The following DPYD variants were observed in gnomAD, a reference collection of about 807,000 sequenced individuals.
The protein encoded by DPYD is dihydropyrimidine dehydrogenase, also known as dihydropyrimidine dehydrogenase [NADP(+)].
A neutral mutation model predicts 116.2 loss-of-function variants in DPYD; 109 were observed. The ratio of observed to expected loss-of-function variants is 0.94; its 90% confidence interval spans 0.80 to 1.10. DPYD has a LOEUF of 1.10. Among genes scored for constraint, DPYD ranks in the 50% least tolerant of loss-of-function variants. The pLI, the probability that DPYD is intolerant of heterozygous loss-of-function variation, is 0.00. For synonymous variants in DPYD, 440 were observed against 432.0 expected (o/e 1.02, Z -0.23); for missense variants, 1,302 against 1,254.5 (o/e 1.04, Z -0.57).
intron 16 of DPYD, among the ~76,000 whole-genome samples, chr1:97,349,571 C>T (rs1029477085): frequency 2.0e-5 from 3 of 152,036 alleles, no homozygotes; most frequent in African/African-American, 4.8e-5. Flanking sequence ...TGTTCAATTC[C>T]CACCTATGAG....
intron 3 of DPYD, among the ~76,000 whole-genome samples, chr1:97,791,427 C>T (rs1667313622): frequency 6.6e-6 from 1 of 152,154 alleles, no homozygotes; most frequent in African/African-American, 2.4e-5. Context: ...TGTGCTTTTG[C>T]AACTGTAGCA....
intron 3 of DPYD, among the ~76,000 whole-genome samples, chr1:97,826,591 CATA>C (rs1669256552): frequency 2.6e-5 from 4 of 152,078 alleles, no homozygotes; most frequent in Admixed American, 1.3e-4. Context: ...TTAAACTTAT[CATA>C]ATAAGCATTT....
At chr1:97,614,220 T>C (rs1656128593) in intron 8 of DPYD, among the ~76,000 whole-genome samples, 1 of 152,090 alleles carries the variant, frequency 6.6e-6, no homozygotes, top group Non-Finnish European at 1.5e-5. Context: ...TAACCCGAGA[T>C]TTTATTTACT....
At chr1:97,887,080 T>C (rs898448334) in intron 1 of DPYD, among the ~76,000 whole-genome samples, 1 of 151,940 alleles carries the variant, frequency 6.6e-6, no homozygotes. Flanking sequence ...AAGAGACACC[T>C]GATAAAACCA....
intron 10 of DPYD, 62 bp downstream of exon 10, chr1:97,593,154 AAC>A (rs1654638163): frequency 1.3e-6 from 2 of 1,559,202 alleles, no homozygotes; most frequent in Non-Finnish European, 1.8e-6. Context: ...TTTAAACATT[AAC>A]AGTTTCATCT....
chr1:97,768,115 G>C (rs761400493), intron 3 of DPYD, among the ~76,000 whole-genome samples: 20 of 152,126 alleles, frequency 1.3e-4, no homozygotes, highest in Non-Finnish European at 2.5e-4. Flanking sequence ...TTGGGAATCT[G>C]AGTAGTATTC....
chr1:97,653,745 T>C (rs1658728251), intron 8 of DPYD, among the ~76,000 whole-genome samples: 1 of 152,176 alleles, frequency 6.6e-6, no homozygotes, highest in Non-Finnish European at 1.5e-5. Context: ...CTCACCTTTT[T>C]ATAGGGAAGG....
chr1:97,156,547 C>A (rs982589958), intron 20 of DPYD, among the ~76,000 whole-genome samples: 5 of 152,116 alleles, frequency 3.3e-5, no homozygotes, highest in Non-Finnish European at 7.3e-5. Context: ...CGGAGAAATG[C>A]AAATCAAAAC....
At chr1:97,275,484 G>A (rs574212719) in intron 18 of DPYD, among the ~76,000 whole-genome samples, 1 of 152,242 alleles carries the variant, frequency 6.6e-6, no homozygotes, top group African/African-American at 2.4e-5. Flanking sequence ...ATTTGCCTTT[G>A]GGCAGATCTG....
chr1:97,814,937 G>GAC (rs1668513089), intron 3 of DPYD, among the ~76,000 whole-genome samples: 1 of 12,026 alleles, frequency 8.3e-5, no homozygotes, highest in Non-Finnish European at 2.2e-4. Context: ...AGAGAGGAAA[G>GAC]AAAGAAAGAA....
At chr1:97,778,639 CACTT>C (rs1666560965) in intron 3 of DPYD, among the ~76,000 whole-genome samples, 1 of 152,130 alleles carries the variant, frequency 6.6e-6, no homozygotes, top group Non-Finnish European at 1.5e-5. Context: ...CATGTAAACT[CACTT>C]ACTACTTAAA....
chr1:97,817,027 G>C (rs1337950051), intron 3 of DPYD, among the ~76,000 whole-genome samples: 1 of 151,798 alleles, frequency 6.6e-6, no homozygotes, highest in Non-Finnish European at 1.5e-5. Context: ...CTCAACCAGG[G>C]GTCTGCAAAC....
intron 13 of DPYD, among the ~76,000 whole-genome samples, chr1:97,513,746 A>G (rs941724951): frequency 2.0e-5 from 3 of 151,844 alleles, no homozygotes; most frequent in African/African-American, 4.8e-5. Flanking sequence ...CCAACATTTC[A>G]TCAATAGGAA....
At chr1:97,875,921 A>C (rs1166223532) in intron 2 of DPYD, among the ~76,000 whole-genome samples, 1 of 152,022 alleles carries the variant, frequency 6.6e-6, no homozygotes, top group African/African-American at 2.4e-5. Context: ...ATTGTTTTTA[A>C]AATGTATGTA....
chr1:97,714,175 CTT>C (rs1220981002), intron 5 of DPYD, among the ~76,000 whole-genome samples: 1 of 152,016 alleles, frequency 6.6e-6, no homozygotes, highest in African/African-American at 2.4e-5. Context: ...CAGATAAACA[CTT>C]AACGCTTCAA....
At chr1:97,673,503 T>C (rs1010524237) in intron 8 of DPYD, among the ~76,000 whole-genome samples, 2 of 151,730 alleles carry the variant, frequency 1.3e-5, no homozygotes, top group Admixed American at 1.3e-4. Flanking sequence ...AATCAATAAC[T>C]AAAAATACGT....
chr1:97,672,789 G>A (rs906101364), intron 8 of DPYD, among the ~76,000 whole-genome samples: 1 of 152,052 alleles, frequency 6.6e-6, no homozygotes, highest in South Asian at 2.1e-4. Context: ...GAAGGCATGA[G>A]AGATTTAACT....
intron 10 of DPYD, among the ~76,000 whole-genome samples, chr1:97,592,955 A>G (rs1487690367): frequency 6.6e-6 from 1 of 152,200 alleles, no homozygotes; most frequent in Non-Finnish European, 1.5e-5. Flanking sequence ...CTAGTTACAT[A>G]GAATACATTT....
At chr1:97,675,076 T>C (rs1483788296) in intron 8 of DPYD, among the ~76,000 whole-genome samples, 1 of 152,206 alleles carries the variant, frequency 6.6e-6, no homozygotes, top group East Asian at 1.9e-4. Flanking sequence ...AAAAACATTT[T>C]TCACAAAATA....
Sources: gnomAD v4.1 joint callset for allele counts (sites outside exome capture counted in the v4.1 genomes callset) on GRCh38, gnomAD v4.1.1 for gene constraint, MANE v1.5 for transcripts, NCBI Gene and HGNC (gene_info 2026-07-23, HGNC 2026-07-21) for gene names.